WDR72: variants seen among roughly 807,000 people sequenced by gnomAD.
The protein encoded by WDR72 is WD repeat-containing protein 72.
A neutral mutation model predicts 124.2 loss-of-function variants in WDR72; 120 were observed. The observed-to-expected ratio is 0.97, with a 90% CI of 0.83 to 1.12. The LOEUF (loss-of-function observed/expected upper bound fraction) is 1.12, where lower values mean the gene tolerates loss of function less well. Ranked by LOEUF, WDR72 falls within the 50% of genes most tolerant of loss-of-function variation. The probability of loss-of-function intolerance (pLI) is 0.00; values close to 1 mark genes in which losing one functional copy is unlikely to be tolerated. For synonymous variants in WDR72, 452 were observed against 441.7 expected (o/e 1.02, Z -0.29); for missense variants, 1,387 against 1,278.8 (o/e 1.08, Z -1.29).
intron 13 of WDR72, among the ~76,000 whole-genome samples, chr15:53,673,522 G>A (rs1198161598): frequency 1.3e-5 from 2 of 152,290 alleles, no homozygotes; most frequent in South Asian, 2.1e-4. Context: ...AAGAAGAACA[G>A]TGTAGAAACA....
At chr15:53,705,830 T>C in intron 10 of WDR72, 97 bp downstream of exon 10, 1 of 1,470,648 alleles carries the variant, frequency 6.8e-7, no homozygotes, top group Non-Finnish European at 9.5e-7. Flanking sequence ...TAAATTTTTC[T>C]TGTTTGTGGT....
At chr15:53,704,906 C>G in intron 11 of WDR72, 82 bp downstream of exon 11, 1 of 1,508,054 alleles carries the variant, frequency 6.6e-7, no homozygotes. Flanking sequence ...TTATTTAGGC[C>G]TCTAAATCTT....
chr15:53,732,497 T>C (rs1342520391), intron 2 of WDR72, among the ~76,000 whole-genome samples: 3 of 152,170 alleles, frequency 2.0e-5, no homozygotes, highest in Admixed American at 6.5e-5. Flanking sequence ...ATGACAATAG[T>C]AAATTGGATT....
At chr15:53,758,159 A>C (rs538592854) in intron 1 of WDR72, among the ~76,000 whole-genome samples, 2 of 151,954 alleles carry the variant, frequency 1.3e-5, no homozygotes, top group African/African-American at 4.8e-5. Flanking sequence ...ACTGACGCAC[A>C]CCACCACACC....
At chr15:53,697,594 A>G (rs1456366192) in intron 13 of WDR72, among the ~76,000 whole-genome samples, 1 of 152,048 alleles carries the variant, frequency 6.6e-6, no homozygotes, top group East Asian at 1.9e-4. Flanking sequence ...GGAGGCCCTC[A>G]CCATCCATTC....
rs533750630 is a variant in WDR72, at chr15:53,733,570, T to C, written c.-12-409A>G. Among the ~76,000 whole-genome samples, 86 of 152,330 alleles carry C rather than the reference T, an allele frequency of 5.6e-4. 1 individual carries two copies. The South Asian group carries it at 0.018, about 32-fold the overall frequency. ...CTCTCCCTAGAAATGTTACCTCATC[T>C]AGGTAATAAATACCTGAAATTGGTG... On this transcript the variant is annotated intron_variant, in intron 1 of 19. Transcript: ENST00000360509.
intron 13 of WDR72, among the ~76,000 whole-genome samples, chr15:53,683,640 A>G (rs149546276): frequency 3.3e-4 from 51 of 152,286 alleles, no homozygotes; most frequent in African/African-American, 1.2e-3. Flanking sequence ...TAGAAAATAG[A>G]TTTTAAAAAC....
intron 14 of WDR72, among the ~76,000 whole-genome samples, chr15:53,662,636 G>C (rs1304516784): frequency 1.3e-5 from 2 of 151,994 alleles, no homozygotes; most frequent in African/African-American, 4.8e-5. Flanking sequence ...ATTCAAACTT[G>C]GTTTCTTAAA....
chr15:53,736,490 G>T (rs1252220757), intron 1 of WDR72, among the ~76,000 whole-genome samples: 1 of 152,334 alleles, frequency 6.6e-6, no homozygotes, highest in African/African-American at 2.4e-5. Context: ...CCTAACAGGG[G>T]TGAGGACAGT....
At chr15:53,519,224 A>G (rs763920478) in intron 19 of WDR72, among the ~76,000 whole-genome samples, 3 of 152,140 alleles carry the variant, frequency 2.0e-5, no homozygotes, top group Non-Finnish European at 2.9e-5. Flanking sequence ...AAATCCTTAA[A>G]AAATTATTCT....
At chr15:53,561,073 G>C (rs868805171) in intron 18 of WDR72, among the ~76,000 whole-genome samples, 5 of 147,408 alleles carry the variant, frequency 3.4e-5, no homozygotes, top group Middle Eastern at 3.6e-3. Context: ...TTTTAGAGTT[G>C]TATTATTTGA....
At chr15:53,610,643 C>A (rs2013499185) in intron 16 of WDR72, among the ~76,000 whole-genome samples, 1 of 151,660 alleles carries the variant, frequency 6.6e-6, no homozygotes, top group Non-Finnish European at 1.5e-5. Context: ...GTATTGTATA[C>A]AATGCAATTT....
intron 18 of WDR72, among the ~76,000 whole-genome samples, chr15:53,578,655 A>T (rs2011747687): frequency 6.6e-6 from 1 of 152,048 alleles, no homozygotes; most frequent in African/African-American, 2.4e-5. Flanking sequence ...TCAGTTGTAA[A>T]TGAGCCTTAT....
At chr15:53,737,388 TATCA>T (rs1380931617) in intron 1 of WDR72, among the ~76,000 whole-genome samples, 1 of 152,110 alleles carries the variant, frequency 6.6e-6, no homozygotes, top group Non-Finnish European at 1.5e-5. Flanking sequence ...AGACAAAAAT[TATCA>T]ATTAGAATAT....
At chr15:53,632,369 C>T (rs2014462772) in intron 14 of WDR72, among the ~76,000 whole-genome samples, 2 of 152,038 alleles carry the variant, frequency 1.3e-5, no homozygotes, top group South Asian at 4.1e-4. Flanking sequence ...GGCTTAGGAG[C>T]CTCTGCCTAG....
chr15:53,536,580 T>C (rs1892776744), intron 18 of WDR72, among the ~76,000 whole-genome samples: 1 of 152,272 alleles, frequency 6.6e-6, no homozygotes, highest in African/African-American at 2.4e-5. Context: ...TGGATATTTA[T>C]CTAATGAGTA....
At chr15:53,756,374 T>C (rs1008468048) in intron 1 of WDR72, among the ~76,000 whole-genome samples, 7 of 152,168 alleles carry the variant, frequency 4.6e-5, no homozygotes, top group African/African-American at 1.7e-4. Context: ...TTAAACCTCT[T>C]TTCTTTATAA....
intron 1 of WDR72, among the ~76,000 whole-genome samples, chr15:53,751,375 C>T (rs1382091243): frequency 1.3e-5 from 2 of 152,190 alleles, no homozygotes; most frequent in African/African-American, 4.8e-5. Context: ...CAGCCATCAA[C>T]ATGGAGGCAA....
At chr15:53,630,384 C>T (rs1426912703) in intron 14 of WDR72, among the ~76,000 whole-genome samples, 1 of 152,156 alleles carries the variant, frequency 6.6e-6, no homozygotes, top group African/African-American at 2.4e-5. Context: ...TACCCTGATA[C>T]TGAAACCAGA....
Sources: allele counts gnomAD v4.1 joint callset (sites outside exome capture counted in the v4.1 genomes callset), GRCh38; gene constraint gnomAD v4.1.1; transcripts MANE v1.5; gene names NCBI Gene and HGNC (gene_info 2026-07-23, HGNC 2026-07-21).